Variants in BCKDHA observed in about 807,000 individuals in gnomAD.
BCKDHA encodes 2-oxoisovalerate dehydrogenase subunit alpha, mitochondrial.
In BCKDHA, 43 loss-of-function variants were observed where a neutral mutation model predicts 52.2. The observed-to-expected ratio is 0.82, with a 90% CI of 0.64 to 1.06. The LOEUF (loss-of-function observed/expected upper bound fraction) is 1.06, where lower values mean the gene tolerates loss of function less well. Ranked by LOEUF, BCKDHA falls within the 50% of genes least tolerant of loss-of-function variation. BCKDHA has a pLI of 0.00. For missense variants in BCKDHA, 527 were observed against 621.3 expected, an observed-to-expected ratio of 0.85 and a Z score of 1.61; for synonymous variants, 234 against 247.9, an observed-to-expected ratio of 0.94 and a Z score of 0.53.
intron 4 of BCKDHA, chr19:41,418,651 C>A: frequency 2.4e-6 from 1 of 417,776 alleles, no homozygotes; most frequent in Non-Finnish European, 4.7e-6. Context: ...CTGCCTCAGC[C>A]TCCCAAGTAG....
intron 1 of BCKDHA, among the ~76,000 whole-genome samples, chr19:41,403,928 G>A (rs914462491): frequency 3.3e-5 from 5 of 151,636 alleles, no homozygotes; most frequent in South Asian, 4.2e-4. Context: ...GAAATCTCCC[G>A]TTTTTTTTTA....
chr19:41,399,685 TC>T (rs1412660491), intron 1 of BCKDHA: 1 of 151,830 alleles, frequency 6.6e-6, no homozygotes, highest in Non-Finnish European at 1.5e-5. Context: ...TCTCCTCTCC[TC>T]CCCTCTCCTT....
At chr19:41,414,212 T>C (rs1001498525) in intron 4 of BCKDHA, 55 bp downstream of exon 4, 5 of 1,518,342 alleles carry the variant, frequency 3.3e-6, no homozygotes, top group Non-Finnish European at 4.6e-6. Flanking sequence ...ACACTTTAGT[T>C]TTTCTGAGTG....
At position 41,416,779 on chromosome 19, in the gene BCKDHA, C is replaced by T. The variant is rs185802540; in HGVS notation, c.485-2356C>T. ...CTAAAAAATTAAAAAATTAGCCAGG[C>T]GTGGTGGTGCACACCTGTAGTCCCA... On this transcript the variant is annotated intron_variant, in intron 4 of 8. Transcript: ENST00000269980. 1.5e-3 allele frequency among the ~76,000 whole-genome samples: 226 copies of T among 152,026 alleles called. 1 individual carries two copies. The highest frequency in any genetic ancestry group is 5.3e-3 in the African/African-American group (218 of 41,502).
chr19:41,399,477 T>C (rs1300673902), intron 1 of BCKDHA: 1 of 151,990 alleles, frequency 6.6e-6, no homozygotes, highest in Non-Finnish European at 1.5e-5. Flanking sequence ...ATTAAATCTT[T>C]CTCTCCTGTC....
chr19:41,423,190 A>C (rs1444649197), intron 8 of BCKDHA, 21 bp downstream of exon 8: 1 of 1,550,226 alleles, frequency 6.5e-7, no homozygotes, highest in Non-Finnish European at 8.7e-7. Context: ...CCCGCCCGGG[A>C]GGGTGTGCTG....
chr19:41,404,569 G>A (rs939622867), intron 1 of BCKDHA, among the ~76,000 whole-genome samples: 1 of 150,874 alleles, frequency 6.6e-6, no homozygotes, highest in Non-Finnish European at 1.5e-5. Flanking sequence ...GATTACAGGC[G>A]TGAGCCACCA....
chr19:41,401,327 C>T (rs1370263694), intron 1 of BCKDHA, among the ~76,000 whole-genome samples: 2 of 152,052 alleles, frequency 1.3e-5, no homozygotes, highest in Non-Finnish European at 1.5e-5. Context: ...CCACCCACCT[C>T]GGCCTCCCAG....
rs757714580 is a variant in BCKDHA, at chr19:41,424,695, C to T, written c.*87C>T. On this transcript the variant is annotated 3_prime_UTR_variant, in exon 9 of 9. Coordinates refer to ENST00000269980, the MANE Select transcript of BCKDHA (RefSeq NM_000709.4). ...GGAGCAGGGGGACCTGACAGCACAC[C>T]ACTGTCTTCCCCAGTCAGCTCCCTC... is the stretch of plus-strand genomic sequence containing the variant. The T allele has an allele frequency of 2.1e-6, 3 of 1,416,250 alleles. No individual in the cohort carries two copies. Among genetic ancestry groups the T allele is most frequent in the Admixed American group, 4.4e-5 (2 of 45,924 alleles). 87.7% of individuals were successfully genotyped at this position (1,416,250 alleles called of 1,614,324 possible). A position where few individuals can be genotyped will look rare whatever the true frequency, so the allele number is the denominator to read the frequency against.
Position 41,414,159 on chromosome 19 carries a change from T to G in BCKDHA, c.484+2T>G. On this transcript the variant is annotated splice_donor_variant, in intron 4 of 8. Coordinates refer to ENST00000269980, the MANE Select transcript of BCKDHA (RefSeq NM_000709.4). LOFTEE classifies it high-confidence loss of function. ...TGTTTGGCCAGTACCGGGAGGCAGG[T>G]ACGTCTGTCCGTGGTTTGGCCCTGT... 6.2e-7 allele frequency: 1 copy of G among 1,613,322 alleles called. No homozygotes were observed. The highest frequency in any genetic ancestry group is 8.5e-7 in the Non-Finnish European group (1 of 1,179,880).
At chr19:41,422,818 C>G (rs570216625) in intron 7 of BCKDHA, 48 bp downstream of exon 7, 1 of 1,611,256 alleles carries the variant, frequency 6.2e-7, no homozygotes, top group Non-Finnish European at 8.5e-7. Flanking sequence ...TGACAGCCAC[C>G]GTAGCATCTT....
At chr19:41,418,943 T>C (rs2039334947) in intron 4 of BCKDHA, 192 bp from the exon 5 acceptor site, 2 of 635,752 alleles carry the variant, frequency 3.1e-6, no homozygotes, top group Non-Finnish European at 5.5e-6. Context: ...AGAAAAAGGC[T>C]AGATTTCTGC....
rs1568509482 is a variant in BCKDHA, at chr19:41,424,685, G to T, written c.*77G>T. On this transcript the variant is annotated 3_prime_UTR_variant, in exon 9 of 9. Transcript: ENST00000269980. ...CACTCTAAGGGGAGCAGGGGGACCTGACAGCACACCACTGTCTTCCCCAGT... is the reference window on the plus strand; with the variant it reads ...CACTCTAAGGGGAGCAGGGGGACCTTACAGCACACCACTGTCTTCCCCAGT... 2 of 1,467,952 alleles carry T rather than the reference G, an allele frequency of 1.4e-6. No individual in the cohort carries two copies. Among genetic ancestry groups the T allele is most frequent in the Non-Finnish European group, 1.8e-6 (2 of 1,084,076 alleles). The allele number at this position is 1,467,952 out of a possible 1,614,324, so 90.9% of individuals were successfully genotyped here. A position where few individuals can be genotyped will look rare whatever the true frequency, so the allele number is the denominator to read the frequency against.
Position 41,410,810 on chromosome 19 carries a change from C to T in BCKDHA, c.282C>T (p.Asp94=), listed in dbSNP as rs922714716. The change falls in exon 2 of 9, where the codon GAC becomes GAT. Residue 94 remains aspartate (D), a synonymous_variant. Transcript: ENST00000269980. ...GCCAGATCATCAACCCCAGCGAGGA[C>T]CCCCACGTGAGAGGCGGCCTCCCCC... is the stretch of plus-strand genomic sequence containing the variant. ...RQGQIINPSE[D]PHLPKEKVLK... is the part of the protein sequence containing the mutation. The T allele has an allele frequency of 6.2e-7, 1 of 1,614,134 alleles. No individual in the cohort carries two copies. The highest frequency in any genetic ancestry group is 8.5e-7 in the Non-Finnish European group (1 of 1,180,012).
intron 1 of BCKDHA, among the ~76,000 whole-genome samples, chr19:41,404,276 G>A (rs1021498343): frequency 2.0e-5 from 3 of 150,824 alleles, no homozygotes; most frequent in Middle Eastern, 3.4e-3. Context: ...CACTGTGCCC[G>A]GCCAAAATTT....
At chr19:41,417,463 T>C (rs978671258) in intron 4 of BCKDHA, among the ~76,000 whole-genome samples, 4 of 152,262 alleles carry the variant, frequency 2.6e-5, no homozygotes, top group African/African-American at 7.2e-5. Flanking sequence ...TTTCTTTCCC[T>C]CCTTAACCAG....
intron 5 of BCKDHA, among the ~76,000 whole-genome samples, chr19:41,420,251 A>G (rs2039350046): frequency 2.0e-5 from 3 of 152,204 alleles, no homozygotes; most frequent in South Asian, 2.1e-4. Context: ...CACTGTGCCA[A>G]TGCTTCACGT....
intron 8 of BCKDHA, among the ~76,000 whole-genome samples, chr19:41,423,701 G>A (rs1197846381): frequency 3.3e-5 from 5 of 152,042 alleles, no homozygotes; most frequent in Middle Eastern, 3.2e-3. Flanking sequence ...GCATGGTGCC[G>A]GGTGCCTGTA....
intron 1 of BCKDHA, among the ~76,000 whole-genome samples, chr19:41,403,131 G>T (rs2039155572): frequency 6.6e-6 from 1 of 152,216 alleles, no homozygotes; most frequent in African/African-American, 2.4e-5. Flanking sequence ...CTGTGAAACA[G>T]GGACAGTGAT....
Sources: gnomAD v4.1 joint callset for allele counts (sites outside exome capture counted in the v4.1 genomes callset) on GRCh38, gnomAD v4.1.1 for gene constraint, MANE v1.5 for transcripts, NCBI Gene and HGNC (gene_info 2026-07-23, HGNC 2026-07-21) for gene names.